Variants in PGAP2 observed in about 807,000 individuals in gnomAD.
PGAP2 encodes the protein acyltransferase PGAP2.
Under a neutral mutation model 33.2 loss-of-function variants are expected in PGAP2, and 21 were observed. The ratio of observed to expected loss-of-function variants is 0.63; its 90% CI spans 0.45 to 0.91. PGAP2 has a LOEUF of 0.91. PGAP2 is among the 40% of genes least tolerant of loss of function. The probability of loss-of-function intolerance (pLI) is 0.00; values close to 1 mark genes in which losing one functional copy is unlikely to be tolerated. For missense variants in PGAP2, 345 were observed against 424.0 expected (o/e 0.81, Z 1.64); for synonymous variants, 161 against 172.9 (o/e 0.93, Z 0.54).
chr11:3,824,940 C>A, intron 5 of PGAP2, 80 bp from the exon 6 acceptor site: 1 of 1,595,148 alleles, frequency 6.3e-7, no homozygotes, highest in South Asian at 1.1e-5. Context: ...AGGCCCAGCC[C>A]TTAGGAGTTA....
At chr11:3,808,678 C>T in intron 1 of PGAP2, 27 bp downstream of exon 1, 2 of 1,122,492 alleles carry the variant, frequency 1.8e-6, no homozygotes, top group Non-Finnish European at 2.2e-6. Context: ...ATGTGCTGGG[C>T]TGCCGGGCAG....
chr11:3,808,303 ACG>A (rs1481630715), upstream of PGAP2: 4 of 1,551,398 alleles, frequency 2.6e-6, no homozygotes, highest in African/African-American at 5.5e-5. Context: ...GGTAGATGGA[ACG>A]CAGCTGAGAG....
At chr11:3,798,017 C>T (rs1590031071) in intron 1 of PGAP2, 1 of 1,535,544 alleles carries the variant, frequency 6.5e-7, no homozygotes, top group Non-Finnish European at 8.8e-7. Context: ...CCCGGTCCGC[C>T]GGCGCTGCTG....
chr11:3,807,400 C>T (rs1181952177), upstream of PGAP2, among the ~76,000 whole-genome samples: 2 of 145,418 alleles, frequency 1.4e-5, no homozygotes, highest in Non-Finnish European at 3.0e-5. Context: ...CTCTGCCTCC[C>T]GGGTTCAAGC....
At chr11:3,824,839 C>G (rs1279508483) in intron 5 of PGAP2, 181 bp from the exon 6 acceptor site, 11 of 1,439,816 alleles carry the variant, frequency 7.6e-6, no homozygotes, top group Non-Finnish European at 1.0e-5. Context: ...CATCACTCCC[C>G]CAGAGGCAGG....
intron 2 of PGAP2, among the ~76,000 whole-genome samples, chr11:3,814,720 TTTCTTTCC>T (rs71041398): frequency 1.4e-4 from 16 of 117,236 alleles, no homozygotes; most frequent in Middle Eastern, 4.5e-3. Context: ...GCCCAAGCTT[TTTCTTTCC>T]TTCTTTCCTT....
At chr11:3,823,810 C>T in intron 3 of PGAP2, 73 bp from the exon 4 acceptor site, 3 of 1,597,366 alleles carry the variant, frequency 1.9e-6, no homozygotes, top group South Asian at 1.1e-5. Context: ...GTGATTTTGT[C>T]AGATGGAGAG....
rs543268239 is a variant in PGAP2 at position 3,819,902 on chromosome 11, C to T, written c.348+2367C>T. ...GAGACAGTCCCTGCTCTTAGAATCC[C>T]ACCCCCATCCCTAATCTGAGAGAAG... On this transcript the variant is annotated intron_variant, in intron 3 of 6. Transcript: ENST00000278243. Among the ~76,000 whole-genome samples the T allele has an allele frequency of 1.1e-4, 16 of 152,146 alleles. 1 individual carries two copies. The East Asian group carries it at 2.7e-3, about 26-fold the overall frequency.
intron 4 of PGAP2, 56 bp downstream of exon 4, chr11:3,824,191 C>T: frequency 2.5e-6 from 4 of 1,612,366 alleles, no homozygotes; most frequent in Non-Finnish European, 3.4e-6. Context: ...GACGGGCCTG[C>T]CCCTACCACA....
In PGAP2 at chr11:3,808,613, C is replaced by T; in HGVS notation, c.-49C>T. 7 of 1,313,576 alleles carry T rather than the reference C, an allele frequency of 5.3e-6. No homozygotes were observed. The highest frequency in any genetic ancestry group is 1.7e-5 in the South Asian group (1 of 57,534). 81.4% of individuals were successfully genotyped at this position (1,313,576 alleles called of 1,614,324 possible). On this transcript the variant is annotated 5_prime_UTR_variant, in exon 1 of 7. Transcript: ENST00000278243. ...AGCCCCCGACCCCGGGCCACCTGGG[C>T]CCCCGGGTTCCGCCGGCACTCTCGC...
chr11:3,811,154 C>T lies in PGAP2; in HGVS notation c.-10-96C>T. 2 of 1,178,818 alleles carry T rather than the reference C, an allele frequency of 1.7e-6. No individual in the cohort carries two copies. The highest frequency in any genetic ancestry group is 2.4e-6 in the Non-Finnish European group (2 of 828,602). 73.0% of individuals were successfully genotyped at this position (1,178,818 alleles called of 1,614,324 possible). On this transcript the variant is annotated intron_variant, in intron 1 of 6. Transcript: ENST00000278243. This position sits in a 1 kb window ranked among gnomAD's most constrained non-coding sequence, Gnocchi z 4.6. ...TCCTCAGACTCCCCACCCCACAGCA[C>T]ACAGCTAATTTTAGGACTGAGCACA... is the stretch of plus-strand genomic sequence containing the variant.
At chr11:3,804,660 T>TTTAC (rs559880132), upstream of PGAP2, among the ~76,000 whole-genome samples, 768 of 152,206 alleles carry the variant, frequency 5.0e-3, 10 homozygotes, top group African/African-American at 0.018. Context: ...CCAACAAATA[T>TTTAC]TTTCTTTTTA....
At position 3,825,471 on chromosome 11, in the gene PGAP2, T is replaced by G. The variant is rs1355865236; in HGVS notation, c.*13T>G. The G allele has an allele frequency of 6.2e-7, 1 of 1,610,360 alleles. No homozygotes were observed. Among genetic ancestry groups the G allele is most frequent in the Non-Finnish European group, 8.5e-7 (1 of 1,179,010 alleles). On this transcript the variant is annotated 3_prime_UTR_variant, in exon 7 of 7. Transcript: ENST00000278243. ...AAAGCGATTCTGAACCCTTCAGTCC[T>G]GCTTGGGAGGACGCAGCCCACTGCC...
At chr11:3,822,887 T>C in intron 3 of PGAP2, 1 of 1,346,098 alleles carries the variant, frequency 7.4e-7, no homozygotes, top group Non-Finnish European at 1.0e-6. Flanking sequence ...AGCTGTGTAT[T>C]ATCTTCTCCT....
rs1222798465 is a variant in PGAP2 at position 3,824,068 on chromosome 11, C to T, written c.534C>T (p.Phe178=). 1.1e-5 allele frequency: 18 copies of T among 1,614,112 alleles called. No homozygotes were observed. Among genetic ancestry groups the T allele is most frequent in the East Asian group, 1.1e-4 (5 of 44,890 alleles). The part of the protein sequence containing the change: ...SCYRPLCRLN[F]GLNVVENLAL... ...ATCGCCCGCTCTGCCGCCTCAACTT[C>T]GGCCTCAATGTCGTGGAGAACCTCG... The change falls in exon 4 of 7, where the codon TTC becomes TTT. Residue 178 remains phenylalanine, a synonymous_variant. Transcript: ENST00000278243.
At chr11:3,797,820 G>C (rs1287070530) in exon 1 of PGAP2, 1 of 1,549,332 alleles carries the variant, frequency 6.5e-7, no homozygotes. Flanking sequence ...ACGTCACACA[G>C]GGCCTCTCGA....
At chr11:3,800,672 C>T (rs573911050) in intron 1 of PGAP2, among the ~76,000 whole-genome samples, 13 of 151,640 alleles carry the variant, frequency 8.6e-5, no homozygotes, top group East Asian at 7.8e-4. Context: ...ATTAGCCGGG[C>T]GTGGTGGCAC....
intron 3 of PGAP2, among the ~76,000 whole-genome samples, chr11:3,818,374 A>C (rs2087666496): frequency 6.7e-6 from 1 of 149,434 alleles, no homozygotes; most frequent in Non-Finnish European, 1.5e-5. Flanking sequence ...TGGGGGTTAG[A>C]GGGAGGTGAT....
chr11:3,823,019 CTTTTCT>C, intron 3 of PGAP2: 2 of 385,000 alleles, frequency 5.2e-6, no homozygotes, highest in South Asian at 5.3e-5. Context: ...TTTCTTTTTT[CTTTTCT>C]TTTTTTTTTT....
Sources: allele counts gnomAD v4.1 joint callset (sites outside exome capture counted in the v4.1 genomes callset), GRCh38; gene constraint gnomAD v4.1.1; non-coding constraint Gnocchi (gnomAD v3.1); transcripts MANE v1.5; gene names NCBI Gene and HGNC (gene_info 2026-07-23, HGNC 2026-07-21).